SND1: variants seen among roughly 807,000 people sequenced by gnomAD.
SND1 encodes staphylococcal nuclease domain-containing protein 1.
Under a neutral mutation model 121.7 loss-of-function variants are expected in SND1, and 38 were observed. The ratio of observed to expected loss-of-function variants is 0.31; its 90% CI spans 0.24 to 0.41. The LOEUF is 0.41. Among genes scored for constraint, SND1 ranks in the 10% least tolerant of loss-of-function variants. The pLI is 1.00. For missense variants in SND1, 868 were observed against 1,184.6 expected (o/e 0.73, Z 3.92); for synonymous variants, 401 against 447.4 (o/e 0.90, Z 1.31).
chr7:128,033,145 A>T lies in SND1; in HGVS notation c.1780-41357A>T, dbSNP rs573273612. ...CTTCCTTGGCTAGGACTCTGAGAAG[A>T]ACTGCGTAGCAGCCAGGGGTAGCGA... On this transcript the variant is annotated intron_variant, in intron 16 of 23. Coordinates refer to ENST00000354725, the MANE Select transcript of SND1 (RefSeq NM_014390.4). Among the ~76,000 whole-genome samples, 7 of 152,302 alleles carry T rather than the reference A, an allele frequency of 4.6e-5. No individual in the cohort carries two copies. In the East Asian group the frequency reaches 1.4e-3, roughly 29 times the overall value.
chr7:127,847,521 T>C (rs1377223450), intron 12 of SND1, among the ~76,000 whole-genome samples: 8 of 152,272 alleles, frequency 5.3e-5, no homozygotes, highest in Admixed American at 3.9e-4. Flanking sequence ...CTTTGCTGTC[T>C]GGGCAGCATG....
At chr7:127,697,484 G>C (rs901023936) in intron 3 of SND1, among the ~76,000 whole-genome samples, 2 of 152,172 alleles carry the variant, frequency 1.3e-5, no homozygotes, top group Non-Finnish European at 2.9e-5. Flanking sequence ...TCCACCCCCA[G>C]ATCTCCTGGC....
At chr7:127,684,496 G>T (rs1348903544) in intron 1 of SND1, among the ~76,000 whole-genome samples, 1 of 152,206 alleles carries the variant, frequency 6.6e-6, no homozygotes, top group African/African-American at 2.4e-5. Flanking sequence ...AGAAAGAATT[G>T]AATATAAATG....
chr7:127,655,575 A>T (rs1314416864), intron 1 of SND1, among the ~76,000 whole-genome samples: 1 of 152,242 alleles, frequency 6.6e-6, no homozygotes, highest in Non-Finnish European at 1.5e-5. Context: ...GGTGGACAAA[A>T]TATAACCCAG....
In SND1 at chr7:128,089,509, C is replaced by T. The variant is rs1262795012; in HGVS notation, c.2439C>T (p.Ala813=). The T allele has an allele frequency of 5.6e-6, 9 of 1,613,548 alleles. No homozygotes were observed. Among genetic ancestry groups the T allele is most frequent in the East Asian group, 2.2e-5 (1 of 44,872 alleles). ...VPQDDDARTD[A]VDSVVRDIQN... ...TCCAGGATGATGCCCGCACGGACGC[C>T]GTGGACAGCGTAGTTCGGGATATCC... Residue 813 remains alanine, a synonymous_variant, in exon 22 of 24, where the codon GCC becomes GCT. Transcript: ENST00000354725.
At chr7:127,999,036 A>C (rs1802750930) in intron 16 of SND1, 1 of 152,224 alleles carries the variant, frequency 6.6e-6, no homozygotes, top group Non-Finnish European at 1.5e-5. Context: ...TACTGTGCCT[A>C]ATTTTTCATT....
intron 10 of SND1, among the ~76,000 whole-genome samples, chr7:127,766,125 T>C (rs1364336614): frequency 6.6e-6 from 1 of 152,170 alleles, no homozygotes; most frequent in Non-Finnish European, 1.5e-5. Flanking sequence ...CCTTCCATCC[T>C]TTCTACCATG....
chr7:127,901,877 CT>C (rs1800238821), intron 13 of SND1, among the ~76,000 whole-genome samples: 1 of 152,070 alleles, frequency 6.6e-6, no homozygotes, highest in Non-Finnish European at 1.5e-5. Context: ...TGATAATATG[CT>C]TTTTAGAAGC....
intron 15 of SND1, among the ~76,000 whole-genome samples, chr7:127,969,886 G>A (rs575102221): frequency 8.3e-4 from 127 of 152,280 alleles, no homozygotes; most frequent in African/African-American, 2.9e-3. Context: ...CCGTGATCTA[G>A]GACAACTTGC....
chr7:128,067,832 G>T (rs1793342897), intron 16 of SND1, among the ~76,000 whole-genome samples: 1 of 151,922 alleles, frequency 6.6e-6, no homozygotes, highest in Non-Finnish European at 1.5e-5. Context: ...TCCCCCCATT[G>T]CTAGTAAATC....
At chr7:127,938,328 A>T (rs1415676821) in intron 15 of SND1, among the ~76,000 whole-genome samples, 1 of 152,248 alleles carries the variant, frequency 6.6e-6, no homozygotes, top group South Asian at 2.1e-4. Flanking sequence ...TCTTCAATAG[A>T]TAAATTTTGG....
intron 16 of SND1, among the ~76,000 whole-genome samples, chr7:128,060,095 C>G (rs1481546224): frequency 6.6e-6 from 1 of 152,204 alleles, no homozygotes; most frequent in Non-Finnish European, 1.5e-5. Flanking sequence ...TTGCCCCTTG[C>G]AAGCAGTTGC....
rs886574414 is a variant in SND1 at position 127,764,527 on chromosome 7, A to G, written c.1153-42957A>G. ...AGGCTGCCATCTTTAGTTTGCCTGC[A>G]TAGAGTAGAGTAACAAAACCAAACC... On this transcript the variant is annotated intron_variant, in intron 10 of 23. Coordinates refer to ENST00000354725, the MANE Select transcript of SND1 (RefSeq NM_014390.4). 3.2e-4 allele frequency among the ~76,000 whole-genome samples: 48 copies of G among 152,352 alleles called. 1 individual carries two copies. Among genetic ancestry groups the G allele is most frequent in the South Asian group, 6.2e-4 (3 of 4,830 alleles).
chr7:127,912,468 C>T (rs1800479947), intron 14 of SND1, among the ~76,000 whole-genome samples: 1 of 152,074 alleles, frequency 6.6e-6, no homozygotes, highest in African/African-American at 2.4e-5. Flanking sequence ...GAAATGTAGT[C>T]CTGAAGAGAT....
chr7:127,935,738 T>C (rs1350093671), intron 15 of SND1, among the ~76,000 whole-genome samples: 1 of 152,220 alleles, frequency 6.6e-6, no homozygotes, highest in Non-Finnish European at 1.5e-5. Flanking sequence ...GCTTTGCAGA[T>C]ATCTGCCGTA....
At chr7:128,039,305 G>C (rs1792808241) in intron 16 of SND1, among the ~76,000 whole-genome samples, 1 of 152,080 alleles carries the variant, frequency 6.6e-6, no homozygotes, top group African/African-American at 2.4e-5. Context: ...AAGAGCAGAG[G>C]CCCCTGCATC....
At chr7:128,028,694 C>T (rs1792476565) in intron 16 of SND1, 1 of 1,612,414 alleles carries the variant, frequency 6.2e-7, no homozygotes, top group African/African-American at 1.3e-5. Context: ...TTTGAGTTTC[C>T]TGTACCTTGT....
intron 15 of SND1, among the ~76,000 whole-genome samples, chr7:127,986,995 C>T (rs780369869): frequency 1.2e-4 from 18 of 152,236 alleles, no homozygotes; most frequent in Non-Finnish European, 2.1e-4. Flanking sequence ...TTCTCTTGCA[C>T]CTGTGGCATT....
In SND1 at chr7:127,904,780, G is replaced by A. The variant is rs1403981497; in HGVS notation, c.1488G>A (p.Lys496=). 1.2e-6 allele frequency: 2 copies of A among 1,612,200 alleles called. No individual in the cohort carries two copies. The highest frequency in any genetic ancestry group is 1.7e-6 in the Non-Finnish European group (2 of 1,178,308). ...AIKNGKGLHS[K]KEVPIHRVAD... ...AGAATGGCAAAGGATTGCATAGCAA[G>A]AAGGAAGTGCCTATCCACCGTGTTG... is the stretch of plus-strand genomic sequence containing the variant. The change falls in exon 14 of 24, where the codon AAG becomes AAA. Residue 496 remains lysine (K), a synonymous_variant. Transcript: ENST00000354725.
Sources: gnomAD v4.1 joint callset for allele counts (sites outside exome capture counted in the v4.1 genomes callset) on GRCh38, gnomAD v4.1.1 for gene constraint, MANE v1.5 for transcripts, NCBI Gene and HGNC (gene_info 2026-07-23, HGNC 2026-07-21) for gene names.